The following ARHGEF4 variants were observed in gnomAD, a reference collection of about 807,000 sequenced individuals.
ARHGEF4 encodes APC-stimulated guanine nucleotide exchange factor 1.
A neutral mutation model predicts 162.0 loss-of-function variants in ARHGEF4; 119 were observed. That is an observed-to-expected ratio of 0.73 (90% CI 0.63 to 0.86). The LOEUF is 0.86. Among genes scored for constraint, ARHGEF4 ranks in the 40% least tolerant of loss-of-function variants. The pLI is 0.00. For missense variants in ARHGEF4, 2,488 were observed against 2,456.0 expected, an observed-to-expected ratio of 1.01 and a Z score of -0.28; for synonymous variants, 1,014 against 979.9, an observed-to-expected ratio of 1.03 and a Z score of -0.65.
intron 4 of ARHGEF4, among the ~76,000 whole-genome samples, chr2:130,961,346 C>A (rs1249411271): frequency 6.6e-6 from 1 of 152,128 alleles, no homozygotes; most frequent in Non-Finnish European, 1.5e-5. Flanking sequence ...TGAGGGGGGA[C>A]ATTCACTGAG....
chr2:130,896,040 T>C (rs2105001586), intron 1 of ARHGEF4, among the ~76,000 whole-genome samples: 1 of 152,100 alleles, frequency 6.6e-6, no homozygotes, highest in East Asian at 1.9e-4. Context: ...GTGGGGTTTA[T>C]TTATTTATTT....
chr2:130,916,971 G>A lies in ARHGEF4; in HGVS notation c.3025G>A (p.Ala1009Thr), dbSNP rs1468166104. 3 of 1,550,842 alleles carry A rather than the reference G, an allele frequency of 1.9e-6. No homozygotes were observed. Among genetic ancestry groups the A allele is most frequent in the Non-Finnish European group, 2.6e-6 (3 of 1,147,056 alleles). Residue 1009 changes from alanine to threonine, a missense_variant, in exon 2 of 14, where the codon GCC becomes ACC. By Grantham distance (58) the Ala-to-Thr change is moderately conservative (BLOSUM62 0). Transcript: ENST00000409359. ...VFSDHWAPPL[A>T]STPLSSSLVS... ...TAGCGATCACTGGGCACCCCCACTTGCCTCCACACCTTTGTCCTCCAGTTT... is the reference window on the plus strand; with the variant it reads ...TAGCGATCACTGGGCACCCCCACTTACCTCCACACCTTTGTCCTCCAGTTT...
At chr2:130,961,595 C>T (rs1246129635) in intron 4 of ARHGEF4, among the ~76,000 whole-genome samples, 1 of 152,142 alleles carries the variant, frequency 6.6e-6, no homozygotes, top group Non-Finnish European at 1.5e-5. Flanking sequence ...GATAATGATG[C>T]AGGAAACGAG....
chr2:130,838,547 A>G (rs1343468149), intron 1 of ARHGEF4, among the ~76,000 whole-genome samples: 2 of 152,124 alleles, frequency 1.3e-5, no homozygotes, highest in African/African-American at 4.8e-5. Flanking sequence ...CAGAGGTTGC[A>G]GTGAGCCAAG....
intron 4 of ARHGEF4, among the ~76,000 whole-genome samples, chr2:130,972,063 A>G (rs1419588674): frequency 6.6e-6 from 1 of 152,242 alleles, no homozygotes; most frequent in Non-Finnish European, 1.5e-5. Flanking sequence ...GGTTATGTTT[A>G]ATTAAATGAA....
chr2:130,848,498 G>C (rs547562402), intron 1 of ARHGEF4, among the ~76,000 whole-genome samples: 1 of 152,302 alleles, frequency 6.6e-6, no homozygotes, highest in African/African-American at 2.4e-5. Flanking sequence ...CGAAGGCTCT[G>C]AGCACTGGCA....
At chr2:130,903,585 A>G (rs998781750) in intron 1 of ARHGEF4, among the ~76,000 whole-genome samples, 1 of 152,136 alleles carries the variant, frequency 6.6e-6, no homozygotes, top group Non-Finnish European at 1.5e-5. Context: ...CAAGCTGTAC[A>G]TGTACAGGTT....
intron 5 of ARHGEF4, among the ~76,000 whole-genome samples, chr2:131,034,443 A>G (rs1054240793): frequency 2.6e-5 from 4 of 152,182 alleles, no homozygotes; most frequent in African/African-American, 7.2e-5. Flanking sequence ...CCAAAGGAAC[A>G]CAATGCTGCT....
chr2:130,992,302 A>G (rs909466084), intron 4 of ARHGEF4, among the ~76,000 whole-genome samples: 2 of 152,108 alleles, frequency 1.3e-5, no homozygotes, highest in Non-Finnish European at 2.9e-5. Context: ...CCCCTTCCAC[A>G]CTGTGGAAGC....
chr2:130,849,156 G>C (rs1681210474), intron 1 of ARHGEF4, among the ~76,000 whole-genome samples: 1 of 152,216 alleles, frequency 6.6e-6, no homozygotes, highest in Non-Finnish European at 1.5e-5. Flanking sequence ...ACCCCTCTCA[G>C]TGTCCCAACT....
At chr2:130,963,856 G>A (rs1012023311) in intron 4 of ARHGEF4, 1 of 147,474 alleles carries the variant, frequency 6.8e-6, no homozygotes, top group Non-Finnish European at 1.5e-5. Context: ...CAGAGCCCGA[G>A]CGGGGGGTCG....
At chr2:130,956,119 C>T (rs1215577037) in intron 4 of ARHGEF4, among the ~76,000 whole-genome samples, 1 of 152,196 alleles carries the variant, frequency 6.6e-6, no homozygotes, top group African/African-American at 2.4e-5. Flanking sequence ...GGGGTAGTTT[C>T]TTTTGCTATC....
rs1172614652 is a variant in ARHGEF4, at chr2:130,915,499, C to T, written c.1553C>T (p.Ser518Leu). The change falls in exon 2 of 14, where the codon TCA becomes TTA. Residue 518 changes from serine (S) to leucine (L), a missense_variant. By Grantham distance (145) the Ser-to-Leu change is moderately radical. Around this residue, in one of 6 missense-constraint regions of ARHGEF4, gnomAD observed 1,642 missense variants for 1,481.5 expected, o/e 1.11. Transcript: ENST00000409359. ...SKYVLSEESK[S>L]PTRAKFPRQP... ...TATGTGCTCAGCGAGGAAAGCAAGTCACCTACCAGGGCCAAGTTCCCACGG... is the reference window on the plus strand; with the variant it reads ...TATGTGCTCAGCGAGGAAAGCAAGTTACCTACCAGGGCCAAGTTCCCACGG... 1.3e-6 allele frequency: 2 copies of T among 1,550,588 alleles called. No homozygotes were observed. Among genetic ancestry groups the T allele is most frequent in the African/African-American group, 2.7e-5 (2 of 73,176 alleles).
chr2:130,916,784 G>C lies in ARHGEF4; in HGVS notation c.2838G>C (p.Arg946Ser), dbSNP rs1461947857. The change falls in exon 2 of 14, where the codon AGG (arginine) becomes AGC (serine). Residue 946 changes from arginine (R) to serine (S), a missense_variant. By Grantham distance (110) the Arg-to-Ser change is moderately radical. Around this residue, in one of 6 missense-constraint regions of ARHGEF4, gnomAD observed 1,642 missense variants for 1,481.5 expected, o/e 1.11. Coordinates refer to ENST00000409359, the MANE Select transcript of ARHGEF4 (RefSeq NM_001367493.1). Reference sequence around the variant, plus strand: ...CCAAGGGCGAGAAGGAGAAGAGCAGGCTGCGCCAGGGTTCCTGGCGGGCGT... The same window carrying C: ...CCAAGGGCGAGAAGGAGAAGAGCAGCCTGCGCCAGGGTTCCTGGCGGGCGT... ...SSPKGEKEKSRLRQGSWRAFL... is the reference protein window; with the variant it reads ...SSPKGEKEKSSLRQGSWRAFL... 7.7e-6 allele frequency: 12 copies of C among 1,550,534 alleles called. No individual in the cohort carries two copies. Among genetic ancestry groups the C allele is most frequent in the Non-Finnish European group, 1.0e-5 (12 of 1,147,004 alleles).
chr2:131,010,705 G>A lies in ARHGEF4; in HGVS notation c.3986-17240G>A, dbSNP rs546325441. The stretch of plus-strand genomic sequence containing the variant: ...TCAGGAGCCCACCAGAGCTGAGGGG[G>A]TGGGGTAGAGAGAAGAAACGAAGTT... On this transcript the variant is annotated intron_variant, in intron 4 of 13. Transcript: ENST00000409359. Among the ~76,000 whole-genome samples the A allele has an allele frequency of 8.5e-5, 13 of 152,326 alleles. No individual in the cohort carries two copies. The South Asian group carries it at 2.7e-3, about 32-fold the overall frequency.
intron 4 of ARHGEF4, among the ~76,000 whole-genome samples, chr2:131,016,793 G>A (rs1054811658): frequency 6.6e-6 from 1 of 152,236 alleles, no homozygotes; most frequent in African/African-American, 2.4e-5. Flanking sequence ...CTGCTGGTCT[G>A]GGGACCACAC....
chr2:130,908,166 G>T (rs2105035546), intron 1 of ARHGEF4, among the ~76,000 whole-genome samples: 1 of 151,880 alleles, frequency 6.6e-6, no homozygotes, highest in African/African-American at 2.4e-5. Context: ...GAGATCTTTT[G>T]GCTCCCAGGT....
intron 3 of ARHGEF4, among the ~76,000 whole-genome samples, chr2:130,934,839 C>T (rs72994159): frequency 0.015 from 2,316 of 151,012 alleles, 59 homozygotes; most frequent in African/African-American, 0.052. Flanking sequence ...CCACTGTACC[C>T]GGCCAAAGTT....
At chr2:130,846,792 C>A (rs963920580) in intron 1 of ARHGEF4, among the ~76,000 whole-genome samples, 3 of 152,122 alleles carry the variant, frequency 2.0e-5, no homozygotes, top group African/African-American at 7.2e-5. Context: ...GTGGTCAGGG[C>A]AATGCACGTT....
Sources: gnomAD v4.1 joint callset for allele counts (sites outside exome capture counted in the v4.1 genomes callset) on GRCh38, gnomAD v4.1.1 for gene constraint, gnomAD v4.1.1 regional missense constraint, MANE v1.5 for transcripts, NCBI Gene and HGNC (gene_info 2026-07-23, HGNC 2026-07-21) for gene names.